Variants in AOAH observed in about 807,000 individuals in gnomAD.
AOAH encodes acyloxyacyl hydrolase (neutrophil).
Under a neutral mutation model 92.2 loss-of-function variants are expected in AOAH, and 64 were observed. That is an observed-to-expected ratio of 0.69 (90% CI 0.57 to 0.86). The LOEUF (loss-of-function observed/expected upper bound fraction) is 0.86. Ranked by LOEUF, AOAH falls within the 40% of genes least tolerant of loss-of-function variation. The probability of loss-of-function intolerance (pLI) is 0.00; values close to 1 mark genes in which losing one functional copy is unlikely to be tolerated. For missense variants in AOAH, 656 were observed against 694.6 expected (o/e 0.94, Z 0.62); for synonymous variants, 263 against 254.5 (o/e 1.03, Z -0.32).
At chr7:36,671,697 G>A (rs1225666041) in intron 3 of AOAH, among the ~76,000 whole-genome samples, 2 of 151,844 alleles carry the variant, frequency 1.3e-5, no homozygotes, top group African/African-American at 2.4e-5. Flanking sequence ...ATAGGAGTGG[G>A]TTCATAAGAT....
intron 1 of AOAH, among the ~76,000 whole-genome samples, chr7:36,702,742 T>C (rs528768457): frequency 3.9e-5 from 6 of 152,290 alleles, no homozygotes; most frequent in Admixed American, 6.5e-5. Flanking sequence ...CTTGCCTCGA[T>C]GTTGTTGGTT....
At chr7:36,620,184 T>G (rs1484425116) in intron 9 of AOAH, among the ~76,000 whole-genome samples, 1 of 152,248 alleles carries the variant, frequency 6.6e-6, no homozygotes, top group Non-Finnish European at 1.5e-5. Flanking sequence ...GATATTCTTT[T>G]TTTCATGAGG....
At chr7:36,626,634 A>G (rs1745115125) in intron 6 of AOAH, among the ~76,000 whole-genome samples, 1 of 152,246 alleles carries the variant, frequency 6.6e-6, no homozygotes, top group Admixed American at 6.5e-5. Flanking sequence ...GAAAATTCAT[A>G]TATTTCACTC....
At chr7:36,549,929 A>G (rs1017207781) in intron 13 of AOAH, among the ~76,000 whole-genome samples, 2 of 152,090 alleles carry the variant, frequency 1.3e-5, no homozygotes, top group African/African-American at 4.8e-5. Context: ...ATTCTTGCAC[A>G]CTCCCAAGGC....
At chr7:36,589,169 C>T (rs1382389052) in intron 12 of AOAH, among the ~76,000 whole-genome samples, 2 of 152,196 alleles carry the variant, frequency 1.3e-5, no homozygotes, top group African/African-American at 4.8e-5. Context: ...GGGATACGAA[C>T]GGCCAGAAAT....
chr7:36,515,968 A>AG (rs1783667985), intron 20 of AOAH, among the ~76,000 whole-genome samples: 1 of 140,998 alleles, frequency 7.1e-6, no homozygotes, highest in African/African-American at 2.7e-5. Context: ...ACACACAGAA[A>AG]CACTACACAC....
intron 1 of AOAH, among the ~76,000 whole-genome samples, chr7:36,716,119 C>T (rs536765805): frequency 8.5e-5 from 13 of 152,276 alleles, no homozygotes; most frequent in African/African-American, 2.9e-4. Context: ...GCACTCAAAA[C>T]AAATTTACAA....
chr7:36,583,692 A>G (rs1435757293), intron 12 of AOAH, among the ~76,000 whole-genome samples: 1 of 152,210 alleles, frequency 6.6e-6, no homozygotes, highest in Non-Finnish European at 1.5e-5. Context: ...ACAGGGAAAA[A>G]GACTTCATAG....
chr7:36,688,507 T>TA (rs985018373), intron 1 of AOAH, among the ~76,000 whole-genome samples: 1 of 150,874 alleles, frequency 6.6e-6, no homozygotes, highest in Non-Finnish European at 1.5e-5. Flanking sequence ...TAACTACAAC[T>TA]AAAAAATAAT....
At chr7:36,610,108 TTTC>T (rs1314405070) in intron 11 of AOAH, among the ~76,000 whole-genome samples, 3 of 138,914 alleles carry the variant, frequency 2.2e-5, no homozygotes, top group South Asian at 2.3e-4. Flanking sequence ...GGAAGGTTTT[TTTC>T]TTTTTTTCTT....
At chr7:36,609,854 G>T (rs1791309765) in intron 11 of AOAH, among the ~76,000 whole-genome samples, 1 of 152,040 alleles carries the variant, frequency 6.6e-6, no homozygotes, top group Admixed American at 6.5e-5. Flanking sequence ...AGCATTTGTT[G>T]AATTAATTGT....
At chr7:36,553,955 T>A (rs1248658377) in intron 13 of AOAH, among the ~76,000 whole-genome samples, 4 of 152,144 alleles carry the variant, frequency 2.6e-5, no homozygotes, top group Admixed American at 6.5e-5. Context: ...CTGATGGTAG[T>A]TTCTTTTGCT....
chr7:36,676,518 G>A (rs1796267672), intron 2 of AOAH, among the ~76,000 whole-genome samples: 1 of 152,170 alleles, frequency 6.6e-6, no homozygotes. Context: ...ATATTGTTAA[G>A]AGGGCAATTC....
Position 36,685,763 on chromosome 7 carries a change from T to C in AOAH, c.223+936A>G, listed in dbSNP as rs534168065. 2.0e-5 allele frequency among the ~76,000 whole-genome samples: 3 copies of C among 152,318 alleles called. No homozygotes were observed. The East Asian group carries it at 5.8e-4, about 29-fold the overall frequency. On this transcript the variant is annotated intron_variant, in intron 2 of 20. Transcript: ENST00000617537. ...GAAAGATGTAATTATGATGTGAATA[T>C]TTTAAAATCTTAATGGTCCATTTGG... is the stretch of plus-strand genomic sequence containing the variant.
intron 4 of AOAH, among the ~76,000 whole-genome samples, chr7:36,641,790 A>G (rs1267525457): frequency 3.9e-5 from 6 of 152,198 alleles, no homozygotes; most frequent in Non-Finnish European, 8.8e-5. Context: ...TTCACTCCCT[A>G]CGTTTGCACC....
At chr7:36,588,494 C>A (rs771910002) in intron 12 of AOAH, among the ~76,000 whole-genome samples, 3 of 152,228 alleles carry the variant, frequency 2.0e-5, no homozygotes, top group Non-Finnish European at 4.4e-5. Flanking sequence ...TATAACAGGG[C>A]TAATCATTTG....
At chr7:36,715,255 T>A (rs1297497680) in intron 1 of AOAH, among the ~76,000 whole-genome samples, 1 of 152,044 alleles carries the variant, frequency 6.6e-6, no homozygotes, top group Non-Finnish European at 1.5e-5. Flanking sequence ...TACCTAGGAA[T>A]ACAACTTACA....
intron 11 of AOAH, among the ~76,000 whole-genome samples, chr7:36,600,872 A>C (rs1444320169): frequency 6.6e-6 from 1 of 152,222 alleles, no homozygotes; most frequent in Non-Finnish European, 1.5e-5. Flanking sequence ...AGCTGCCGCC[A>C]TCTTTTCCTT....
At chr7:36,546,665 G>C (rs1181950651) in intron 15 of AOAH, among the ~76,000 whole-genome samples, 1 of 152,244 alleles carries the variant, frequency 6.6e-6, no homozygotes. Context: ...TTTGGAGCCA[G>C]AGTCTCTTTC....
Sources: gnomAD v4.1 joint callset for allele counts (sites outside exome capture counted in the v4.1 genomes callset) on GRCh38, gnomAD v4.1.1 for gene constraint, MANE v1.5 for transcripts, NCBI Gene and HGNC (gene_info 2026-07-23, HGNC 2026-07-21) for gene names.